The following HRH4 variants were observed in gnomAD, a reference collection of about 807,000 sequenced individuals.
HRH4 encodes the protein histamine H4 receptor.
A neutral mutation model predicts 10.4 loss-of-function variants in HRH4; 12 were observed. The ratio of observed to expected loss-of-function variants is 1.15; its 90% CI spans 0.74 to 1.87. The LOEUF (loss-of-function observed/expected upper bound fraction) is 1.87, where lower values mean the gene tolerates loss of function less well. Ranked by LOEUF, HRH4 falls within the 40% of genes most tolerant of loss-of-function variation. The pLI is 0.00. For missense variants in HRH4, 415 were observed against 453.3 expected (o/e 0.92, Z 0.77); for synonymous variants, 154 against 166.6 (o/e 0.92, Z 0.58).
chr18:24,479,474 G>T lies in HRH4; in HGVS notation c.*1912G>T, dbSNP rs895512534. On this transcript the variant is annotated 3_prime_UTR_variant, in exon 3 of 3. Transcript: ENST00000256906. ...TTAAAACATTTTCTTTTGAGATGGG[G>T]GTCTTGCTCTGTTGCCCACGCAGGA... The T allele has an allele frequency of 1.3e-5, 2 of 152,050 alleles. No individual in the cohort carries two copies. The highest frequency in any genetic ancestry group is 4.8e-5 in the African/African-American group (2 of 41,392). The allele number at this position is 152,050 out of a possible 1,614,324, so 9.4% of individuals were successfully genotyped here. A position where few individuals can be genotyped will look rare whatever the true frequency, so the allele number is the denominator to read the frequency against.
chr18:24,472,010 A>G (rs1248280278), intron 2 of HRH4, among the ~76,000 whole-genome samples: 1 of 151,982 alleles, frequency 6.6e-6, no homozygotes, highest in East Asian at 1.9e-4. Flanking sequence ...GCCCAGGGGA[A>G]TGTAGACTTT....
chr18:24,468,358 A>T (rs890852147), intron 1 of HRH4, among the ~76,000 whole-genome samples: 2 of 152,240 alleles, frequency 1.3e-5, no homozygotes, highest in Admixed American at 1.3e-4. Flanking sequence ...GTATACTTTA[A>T]ATCATCAGTA....
intron 2 of HRH4, among the ~76,000 whole-genome samples, chr18:24,470,846 G>T (rs9962663): frequency 6.7e-6 from 1 of 149,174 alleles, no homozygotes; most frequent in Admixed American, 6.8e-5. Context: ...CTCTGCTTTA[G>T]TCCATTCTCC....
intron 1 of HRH4, among the ~76,000 whole-genome samples, 187 bp downstream of exon 1, chr18:24,461,108 C>T (rs773005049): frequency 6.6e-6 from 1 of 152,034 alleles, no homozygotes; most frequent in Non-Finnish European, 1.5e-5. Context: ...ATATGTAAAT[C>T]AGTGTGGTAG....
intron 1 of HRH4, among the ~76,000 whole-genome samples, chr18:24,461,908 AG>A (rs903794802): frequency 6.6e-6 from 1 of 152,136 alleles, no homozygotes; most frequent in Non-Finnish European, 1.5e-5. Flanking sequence ...AGATTAGGTT[AG>A]TCTCTTCCAG....
intron 1 of HRH4, among the ~76,000 whole-genome samples, chr18:24,464,234 G>A (rs1909716874): frequency 6.6e-6 from 1 of 152,122 alleles, no homozygotes; most frequent in South Asian, 2.1e-4. Flanking sequence ...TCAAGATTCT[G>A]GCCAATATTG....
At chr18:24,465,943 T>C (rs1489579935) in intron 1 of HRH4, among the ~76,000 whole-genome samples, 3 of 152,116 alleles carry the variant, frequency 2.0e-5, no homozygotes, top group Non-Finnish European at 4.4e-5. Flanking sequence ...AATGCATTAC[T>C]AGTATCTCTC....
chr18:24,474,572 C>T (rs576336960), intron 2 of HRH4, among the ~76,000 whole-genome samples: 44 of 151,646 alleles, frequency 2.9e-4, no homozygotes, highest in African/African-American at 1.0e-3. Context: ...AAATATGACA[C>T]AAGAAATAGA....
At chr18:24,462,357 A>C (rs973403009) in intron 1 of HRH4, among the ~76,000 whole-genome samples, 1 of 152,190 alleles carries the variant, frequency 6.6e-6, no homozygotes, top group Non-Finnish European at 1.5e-5. Context: ...GTGGTTGAAC[A>C]GATCAAAGCT....
chr18:24,471,278 C>A (rs1475934581), intron 2 of HRH4, among the ~76,000 whole-genome samples: 1 of 151,690 alleles, frequency 6.6e-6, no homozygotes, highest in East Asian at 1.9e-4. Flanking sequence ...TGGGTTGTGA[C>A]CTTTTTTTTT....
intron 1 of HRH4, among the ~76,000 whole-genome samples, chr18:24,461,475 A>G (rs1446229763): frequency 6.6e-6 from 1 of 152,204 alleles, no homozygotes; most frequent in African/African-American, 2.4e-5. Flanking sequence ...ATCATCGTTA[A>G]GAGACCATAG....
intron 2 of HRH4, among the ~76,000 whole-genome samples, chr18:24,473,462 A>G (rs1393860756): frequency 6.6e-6 from 1 of 152,218 alleles, no homozygotes; most frequent in African/African-American, 2.4e-5. Context: ...CCTGTCTTTT[A>G]GCTGCTGGTG....
At chr18:24,464,556 G>A (rs751490238) in intron 1 of HRH4, among the ~76,000 whole-genome samples, 3 of 152,114 alleles carry the variant, frequency 2.0e-5, no homozygotes, top group African/African-American at 7.2e-5. Context: ...TCCTCTGGCG[G>A]CCCAAAGGAT....
chr18:24,468,780 CT>C lies in HRH4; in HGVS notation c.194-7del, dbSNP rs1237338325. The C allele has an allele frequency of 3.1e-6, 5 of 1,605,064 alleles. No homozygotes were observed. The highest frequency in any genetic ancestry group is 4.2e-6 in the Non-Finnish European group (5 of 1,177,002). ...CTATGTTTTTACACTTATGTTTTCC[CT>C]GTGCAGGTGTGATCTCCATTCCTTT... On this transcript the variant is annotated splice_region_variant and splice_polypyrimidine_tract_variant and intron_variant, in intron 1 of 2. Coordinates refer to ENST00000256906, the MANE Select transcript of HRH4 (RefSeq NM_021624.4).
Position 24,477,335 on chromosome 18 carries a change from T to C in HRH4, c.946T>C (p.Trp316Arg). Residue 316 changes from tryptophan (W) to arginine (R), a missense_variant, in exon 3 of 3, where the codon TGG becomes CGG. Physicochemically the swap from Trp to Arg is moderately radical, Grantham distance 101. Transcript: ENST00000256906. ...AILLGVFAVCWAPYSLFTIVL... is the reference protein window; with the variant it reads ...AILLGVFAVCRAPYSLFTIVL... ...TCTCTTAGGGGTTTTTGCTGTTTGC[T>C]GGGCTCCATATTCTCTGTTCACAAT... is the stretch of plus-strand genomic sequence containing the variant. 1.2e-6 allele frequency: 2 copies of C among 1,614,178 alleles called. No individual in the cohort carries two copies. The highest frequency in any genetic ancestry group is 1.1e-5 in the South Asian group (1 of 91,086).
At chr18:24,467,826 G>A (rs1009781860) in intron 1 of HRH4, among the ~76,000 whole-genome samples, 1 of 152,190 alleles carries the variant, frequency 6.6e-6, no homozygotes, top group African/African-American at 2.4e-5. Flanking sequence ...TTACAGGTGT[G>A]GGCCACCGTG....
intron 2 of HRH4, among the ~76,000 whole-genome samples, chr18:24,472,388 C>T (rs1909994928): frequency 6.6e-6 from 1 of 152,042 alleles, no homozygotes; most frequent in Non-Finnish European, 1.5e-5. Flanking sequence ...GAGTAATTCC[C>T]CTGGAAATTC....
At position 24,476,803 on chromosome 18, in the gene HRH4, C is replaced by T. The variant is rs753573404; in HGVS notation, c.414C>T (p.Ala138=). 17 of 1,613,966 alleles carry T rather than the reference C, an allele frequency of 1.1e-5. No homozygotes were observed. The highest frequency in any genetic ancestry group is 2.7e-5 in the African/African-American group (2 of 74,902). Residue 138 remains alanine (A), a synonymous_variant, in exon 3 of 3, where the codon GCC becomes GCT. Coordinates refer to ENST00000256906, the MANE Select transcript of HRH4 (RefSeq NM_021624.4). The stretch of plus-strand genomic sequence containing the variant: ...TGAAGATTGTTACTCTGATGGTGGC[C>T]GTTTGGGTGCTGGCCTTCTTAGTGA... ...GVLKIVTLMV[A]VWVLAFLVNG...
At chr18:24,464,779 T>C (rs550622499) in intron 1 of HRH4, among the ~76,000 whole-genome samples, 2 of 152,166 alleles carry the variant, frequency 1.3e-5, no homozygotes, top group African/African-American at 4.8e-5. Context: ...GCAGTAAAAA[T>C]ACACGTGAAA....
Sources: allele counts gnomAD v4.1 joint callset (sites outside exome capture counted in the v4.1 genomes callset), GRCh38; gene constraint gnomAD v4.1.1; transcripts MANE v1.5; gene names NCBI Gene and HGNC (gene_info 2026-07-23, HGNC 2026-07-21).